The following MCFD2 variants were observed in gnomAD, a reference collection of about 807,000 sequenced individuals.
MCFD2 encodes the protein multiple coagulation factor deficiency 2, ER cargo receptor complex subunit.
MCFD2 carries 11 observed loss-of-function variants against 12.8 expected under a neutral mutation model. The observed-to-expected ratio is 0.86, with a 90% CI of 0.54 to 1.42. MCFD2 has a LOEUF of 1.42. MCFD2 is among the 40% of genes most tolerant of loss of function. The pLI is 0.00. For missense variants in MCFD2, 191 were observed against 178.6 expected (o/e 1.07, Z -0.40); for synonymous variants, 70 against 68.1 (o/e 1.03, Z -0.14).
chr2:46,928,852 A>G (rs1404023467), intron 1 of MCFD2, among the ~76,000 whole-genome samples: 7 of 152,192 alleles, frequency 4.6e-5, no homozygotes, highest in Non-Finnish European at 1.0e-4. Context: ...TAGGGGGGGA[A>G]GCTTTAAAAG....
intron 1 of MCFD2, among the ~76,000 whole-genome samples, chr2:46,939,396 A>G (rs550881988): frequency 6.6e-6 from 1 of 152,256 alleles, no homozygotes; most frequent in Admixed American, 6.5e-5. Flanking sequence ...TTTTGTCCCT[A>G]CTGGAAAATA....
chr2:46,925,271 T>C (rs1282938825), intron 1 of MCFD2, among the ~76,000 whole-genome samples: 1 of 152,180 alleles, frequency 6.6e-6, no homozygotes, highest in Non-Finnish European at 1.5e-5. Context: ...TTTAACAATA[T>C]GTTGAGCTGG....
At chr2:46,912,553 T>C (rs948458226) in intron 1 of MCFD2, 37 of 152,388 alleles carry the variant, frequency 2.4e-4, no homozygotes, top group African/African-American at 8.7e-4. Context: ...ATCAAATGTC[T>C]CTTTCTCCAG....
At chr2:46,917,484 T>A (rs1319380069), upstream of MCFD2, among the ~76,000 whole-genome samples, 2 of 152,224 alleles carry the variant, frequency 1.3e-5, no homozygotes, top group Non-Finnish European at 2.9e-5. Flanking sequence ...TTCTTGAATA[T>A]CTTCTATGTA....
chr2:46,907,760 A>G lies in MCFD2; in HGVS notation c.309+50T>C. On this transcript the variant is annotated intron_variant, in intron 3 of 3. Transcript: ENST00000319466. This position sits in a 1 kb window ranked among gnomAD's most constrained non-coding sequence, Gnocchi z 4.1. The stretch of plus-strand genomic sequence containing the variant: ...CAACAAGACTGGGGACCAAATTAAC[A>G]AAGGGAAGCCTTTCTGTGATACAGT... 2 of 1,598,166 alleles carry G rather than the reference A, an allele frequency of 1.3e-6. No individual in the cohort carries two copies. The highest frequency in any genetic ancestry group is 1.7e-6 in the Non-Finnish European group (2 of 1,166,750).
intron 1 of MCFD2, among the ~76,000 whole-genome samples, chr2:46,913,243 G>A (rs1323600660): frequency 6.6e-6 from 1 of 152,108 alleles, no homozygotes; most frequent in Non-Finnish European, 1.5e-5. Flanking sequence ...TCCTCCAAGT[G>A]GTACACTGAA....
chr2:46,920,620 C>G (rs575101006), upstream of MCFD2, among the ~76,000 whole-genome samples: 42 of 151,192 alleles, frequency 2.8e-4, no homozygotes, highest in Middle Eastern at 0.01. Context: ...CATGAACCAC[C>G]ATGCCTGGCC....
chr2:46,929,145 T>A (rs115878426), intron 1 of MCFD2, among the ~76,000 whole-genome samples: 6 of 151,608 alleles, frequency 4.0e-5, no homozygotes, highest in African/African-American at 1.5e-4. Context: ...CCTGGGGCAA[T>A]AGAGTGGGAC....
upstream of MCFD2, among the ~76,000 whole-genome samples, chr2:46,918,324 C>T (rs1323391973): frequency 1.3e-5 from 2 of 152,202 alleles, no homozygotes; most frequent in Non-Finnish European, 2.9e-5. Context: ...TTGATGCTAT[C>T]AAAATGTATC....
At chr2:46,910,834 G>C (rs901092824) in intron 1 of MCFD2, 1 of 152,678 alleles carries the variant, frequency 6.5e-6, no homozygotes, top group Non-Finnish European at 1.5e-5. Flanking sequence ...GAGGCCAGGA[G>C]TTTGAGATCA....
At chr2:46,913,008 T>C (rs1273909442) in intron 1 of MCFD2, among the ~76,000 whole-genome samples, 3 of 152,140 alleles carry the variant, frequency 2.0e-5, no homozygotes, top group African/African-American at 7.2e-5. Context: ...CAATTTGGTG[T>C]GTGTGTGTTG....
At chr2:46,936,944 T>C (rs1287143679) in intron 1 of MCFD2, among the ~76,000 whole-genome samples, 1 of 151,554 alleles carries the variant, frequency 6.6e-6, no homozygotes, top group Non-Finnish European at 1.5e-5. Context: ...AACCTCTGCC[T>C]CCTGGGCTCA....
At chr2:46,917,413 C>A (rs563106521), upstream of MCFD2, 2 of 564,436 alleles carry the variant, frequency 3.5e-6, no homozygotes, top group East Asian at 6.1e-5. Context: ...ATCTGCCATT[C>A]ATCCATCTCT....
In MCFD2 at chr2:46,908,273, T is replaced by G. The variant is rs1403022205; in HGVS notation, c.150-304A>C. On this transcript the variant is annotated intron_variant, in intron 2 of 3. Transcript: ENST00000319466. This position sits in a 1 kb window ranked among gnomAD's most constrained non-coding sequence, Gnocchi z 4.5. ...AATATGTCCTTTAAAACTTTTTTTT[T>G]TTTTTGAGACAGGGTCTCACTCTGC... is the stretch of plus-strand genomic sequence containing the variant. 2 of 392,738 alleles carry G rather than the reference T, an allele frequency of 5.1e-6. No homozygotes were observed. The highest frequency in any genetic ancestry group is 9.6e-6 in the Non-Finnish European group (2 of 208,218). 24.3% of individuals were successfully genotyped at this position (392,738 alleles called of 1,614,324 possible). A position where few individuals can be genotyped will look rare whatever the true frequency, so the allele number is the denominator to read the frequency against.
At chr2:46,923,898 A>G (rs114498182) in intron 1 of MCFD2, among the ~76,000 whole-genome samples, 10,120 of 151,856 alleles carry the variant, frequency 0.067, 475 homozygotes, top group African/African-American at 0.13. Context: ...ACGCCCAGCT[A>G]ATTTTCTTTG....
chr2:46,919,579 A>G (rs901754973), upstream of MCFD2, among the ~76,000 whole-genome samples: 1 of 152,222 alleles, frequency 6.6e-6, no homozygotes, highest in Non-Finnish European at 1.5e-5. Flanking sequence ...TGATTACTAT[A>G]CATGAAATTG....
chr2:46,915,570 C>T (rs539850434), intron 1 of MCFD2, among the ~76,000 whole-genome samples, 153 bp downstream of exon 1: 114 of 152,290 alleles, frequency 7.5e-4, no homozygotes, highest in Admixed American at 9.1e-4. Flanking sequence ...GGAGACAGGC[C>T]GTGCTCCTAG....
intron 1 of MCFD2, among the ~76,000 whole-genome samples, chr2:46,939,401 A>G (rs1420666980): frequency 6.6e-6 from 1 of 152,286 alleles, no homozygotes; most frequent in East Asian, 1.9e-4. Flanking sequence ...TCCCTACTGG[A>G]AAATAGCTGT....
At position 46,909,007 on chromosome 2, in the gene MCFD2, C is replaced by T. The variant is rs1205961933; in HGVS notation, c.149+16G>A. On this transcript the variant is annotated intron_variant, in intron 2 of 3. Transcript: ENST00000319466. Reference sequence around the variant, plus strand: ...ATGGGGAGGCCACTGGACCACAGCCCGGGCTGAATACGTACTCTTGGTCGT... The same window carrying T: ...ATGGGGAGGCCACTGGACCACAGCCTGGGCTGAATACGTACTCTTGGTCGT... 1.6e-5 allele frequency: 26 copies of T among 1,613,970 alleles called. No individual in the cohort carries two copies. The highest frequency in any genetic ancestry group is 2.7e-5 in the African/African-American group (2 of 74,918).
Sources: gnomAD v4.1 joint callset for allele counts (sites outside exome capture counted in the v4.1 genomes callset) on GRCh38, gnomAD v4.1.1 for gene constraint, Gnocchi (gnomAD v3.1) non-coding constraint, MANE v1.5 for transcripts, NCBI Gene and HGNC (gene_info 2026-07-23, HGNC 2026-07-21) for gene names.